The following RALYL variants were observed in gnomAD, a reference collection of about 807,000 sequenced individuals.
RALYL encodes RALY RNA binding protein like.
A neutral mutation model predicts 35.1 loss-of-function variants in RALYL; 29 were observed. That is an observed-to-expected ratio of 0.83 (90% confidence interval 0.61 to 1.13). The LOEUF is 1.13. RALYL is among the 50% of genes most tolerant of loss of function. RALYL has a pLI of 0.00. For synonymous variants in RALYL, 120 were observed against 127.6 expected (o/e 0.94, Z 0.40); for missense variants, 359 against 360.4 (o/e 1.00, Z 0.03).
chr8:84,683,223 C>G (rs538503714), intron 2 of RALYL, among the ~76,000 whole-genome samples: 17 of 152,124 alleles, frequency 1.1e-4, no homozygotes, highest in Admixed American at 4.6e-4. Context: ...CTTATAATTT[C>G]TGTTCTTTTG....
rs910993062 is a variant in RALYL at position 84,853,273 on chromosome 8, G to T, written c.413+3246G>T. Among the ~76,000 whole-genome samples the T allele has an allele frequency of 2.6e-5, 4 of 152,064 alleles. No individual in the cohort carries two copies. The East Asian group carries it at 7.7e-4, about 29-fold the overall frequency. ...AGCCTTGTAACTTTAGGCAAGTCAG[G>T]TTTTCAGTTTTCTCATCTTTAAAAG... On this transcript the variant is annotated intron_variant, in intron 5 of 8. Coordinates refer to ENST00000521268, the MANE Select transcript of RALYL (RefSeq NM_173848.7).
chr8:84,401,204 T>C lies in RALYL; in HGVS notation c.-23-128095T>C, dbSNP rs190023274. 1.5e-3 allele frequency among the ~76,000 whole-genome samples: 229 copies of C among 152,278 alleles called. 2 individuals are homozygous for C. The highest frequency in any genetic ancestry group is 4.5e-3 in the African/African-American group (186 of 41,536). ...TCCATTATCTGATCATTCTTTCTAC[T>C]GAAATGTGCTTTCTTTTCTTCTTCT... On this transcript the variant is annotated intron_variant, in intron 1 of 8. Transcript: ENST00000521268.
intron 1 of RALYL, among the ~76,000 whole-genome samples, chr8:84,383,167 G>A (rs996548911): frequency 5.9e-5 from 9 of 151,636 alleles, no homozygotes; most frequent in African/African-American, 9.7e-5. Flanking sequence ...AAAATATATC[G>A]CTTCATGTCA....
rs181334687 is a variant in RALYL, at chr8:84,363,857, A to G, written c.-23-165442A>G. Among the ~76,000 whole-genome samples the G allele has an allele frequency of 6.6e-5, 10 of 152,296 alleles. No individual in the cohort carries two copies. The East Asian group carries it at 1.9e-3, about 29-fold the overall frequency. ...CGCTGCTGCTGAAGAATCATAGCAT[A>G]GCAAGTCACCAATACTGGTGTAAAA... On this transcript the variant is annotated intron_variant, in intron 1 of 8. Transcript: ENST00000521268.
intron 1 of RALYL, among the ~76,000 whole-genome samples, chr8:84,514,416 G>A (rs906591650): frequency 6.6e-6 from 1 of 152,148 alleles, no homozygotes; most frequent in Non-Finnish European, 1.5e-5. Flanking sequence ...AATGATAGAA[G>A]TTTGTTTCTC....
chr8:84,225,596 A>C (rs1408942169), intron 1 of RALYL, among the ~76,000 whole-genome samples: 1 of 152,136 alleles, frequency 6.6e-6, no homozygotes, highest in East Asian at 1.9e-4. Context: ...CTCTGCATGA[A>C]ATTTCTTTCC....
In RALYL at chr8:84,789,880, CTAAAT is replaced by C. The variant is rs533107810; in HGVS notation, c.333-14888_333-14884del. ...AGAAAAAGAATAAAAGAAATATGAA[CTAAAT>C]TGAGTATAGAAAAGTTGCAATATTT... On this transcript the variant is annotated intron_variant, in intron 3 of 8. Coordinates refer to ENST00000521268, the MANE Select transcript of RALYL (RefSeq NM_173848.7). Among the ~76,000 whole-genome samples, 10 of 151,802 alleles carry C rather than the reference CTAAAT, an allele frequency of 6.6e-5. No individual in the cohort carries two copies. In the South Asian group the frequency reaches 1.9e-3, roughly 28 times the overall value.
intron 1 of RALYL, among the ~76,000 whole-genome samples, chr8:84,515,735 G>T (rs924595374): frequency 1.3e-5 from 2 of 151,950 alleles, no homozygotes; most frequent in African/African-American, 4.8e-5. Context: ...GTCTAAAAAT[G>T]GAATAAATTT....
Position 84,379,964 on chromosome 8 carries a change from C to T in RALYL, c.-23-149335C>T, listed in dbSNP as rs142386593. ...CATAATAGTTAGACTATTATGATGA[C>T]TAACCTGATTTCACAGATGTTTGGC... On this transcript the variant is annotated intron_variant, in intron 1 of 8. Transcript: ENST00000521268. Among the ~76,000 whole-genome samples the T allele has an allele frequency of 9.0e-3, 1,362 of 151,610 alleles. 14 individuals carry two copies. The highest frequency in any genetic ancestry group is 0.013 in the Non-Finnish European group (887 of 67,858).
chr8:84,594,667 T>C (rs1814065779), intron 2 of RALYL, among the ~76,000 whole-genome samples: 1 of 152,110 alleles, frequency 6.6e-6, no homozygotes, highest in Non-Finnish European at 1.5e-5. Context: ...ATTACTTTAG[T>C]TAAAACTGAA....
chr8:84,366,662 C>T (rs904741277), intron 1 of RALYL, among the ~76,000 whole-genome samples: 1 of 145,176 alleles, frequency 6.9e-6, no homozygotes, highest in African/African-American at 2.5e-5. Flanking sequence ...GTAATCCCAG[C>T]TACTTGGGAG....
chr8:84,491,994 T>A (rs573932820), intron 1 of RALYL, among the ~76,000 whole-genome samples: 70 of 151,960 alleles, frequency 4.6e-4, no homozygotes, highest in African/African-American at 1.5e-3. Flanking sequence ...AGAAAAAAAA[T>A]TCATATAAAT....
chr8:84,443,973 C>A (rs1006996840), intron 1 of RALYL, among the ~76,000 whole-genome samples: 1 of 152,070 alleles, frequency 6.6e-6, no homozygotes, highest in African/African-American at 2.4e-5. Flanking sequence ...TTACCCAAAG[C>A]CAGAGGAGTG....
rs1255280024 is a variant in RALYL, at chr8:84,844,224, T to G, written c.366-5756T>G. Among the ~76,000 whole-genome samples the G allele has an allele frequency of 2.0e-5, 3 of 152,000 alleles. No homozygotes were observed. The South Asian group carries it at 6.2e-4, about 32-fold the overall frequency. On this transcript the variant is annotated intron_variant, in intron 4 of 8. Coordinates refer to ENST00000521268, the MANE Select transcript of RALYL (RefSeq NM_173848.7). ...AAATTTTTGCAACCTACTCATCTGA[T>G]AAAGGGTTAATATCCAGAATCTACA...
chr8:84,219,465 A>T (rs2131285320), intron 1 of RALYL, among the ~76,000 whole-genome samples: 1 of 152,166 alleles, frequency 6.6e-6, no homozygotes, highest in African/African-American at 2.4e-5. Context: ...TCATTATAGC[A>T]GTGTGAAAAT....
At chr8:84,724,575 G>A (rs1490142599) in intron 2 of RALYL, among the ~76,000 whole-genome samples, 1 of 151,658 alleles carries the variant, frequency 6.6e-6, no homozygotes, top group Admixed American at 6.6e-5. Context: ...ACAGTCACAG[G>A]CTTTGATTCA....
intron 1 of RALYL, among the ~76,000 whole-genome samples, chr8:84,441,048 G>T (rs1001119174): frequency 1.3e-4 from 19 of 151,754 alleles, no homozygotes; most frequent in African/African-American, 4.6e-4. Flanking sequence ...TCAGGATTTT[G>T]TTTGTTTATA....
chr8:84,204,251 GA>G (rs532660952), intron 1 of RALYL, among the ~76,000 whole-genome samples: 2,917 of 146,164 alleles, frequency 0.02, 86 homozygotes, highest in African/African-American at 0.067. Context: ...CTCTAGCTCA[GA>G]AAAAAAAAAT....
intron 1 of RALYL, among the ~76,000 whole-genome samples, chr8:84,219,181 C>T (rs778171353): frequency 2.6e-5 from 4 of 152,028 alleles, no homozygotes; most frequent in South Asian, 2.1e-4. Flanking sequence ...ATAATCCCCA[C>T]GTGTCAAGGA....
Sources: gnomAD v4.1 joint callset for allele counts (sites outside exome capture counted in the v4.1 genomes callset) on GRCh38, gnomAD v4.1.1 for gene constraint, MANE v1.5 for transcripts, NCBI Gene and HGNC (gene_info 2026-07-23, HGNC 2026-07-21) for gene names.